TBC1D5: variants seen among roughly 807,000 people sequenced by gnomAD.
TBC1D5 encodes TBC1 domain family, member 5.
TBC1D5 carries 75 observed loss-of-function variants against 100.3 expected under a neutral mutation model. That is an observed-to-expected ratio of 0.75 (90% confidence interval 0.62 to 0.91). The LOEUF is 0.91. TBC1D5 is among the 40% of genes least tolerant of loss of function. TBC1D5 has a pLI of 0.00. For synonymous variants in TBC1D5, 323 were observed against 325.6 expected (o/e 0.99, Z 0.09); for missense variants, 910 against 942.4 (o/e 0.97, Z 0.45).
intron 7 of TBC1D5, 59 bp downstream of exon 7, chr3:17,404,635 C>A: frequency 1.4e-6 from 2 of 1,463,656 alleles, no homozygotes; most frequent in South Asian, 1.4e-5. Context: ...GGCAACCAGT[C>A]ATATAAACAT....
At chr3:17,696,025 G>A (rs2072008609) in intron 1 of TBC1D5, among the ~76,000 whole-genome samples, 1 of 152,152 alleles carries the variant, frequency 6.6e-6, no homozygotes, top group Non-Finnish European at 1.5e-5. Context: ...AATGAAGGCT[G>A]AAATAAAGAT....
intron 1 of TBC1D5, among the ~76,000 whole-genome samples, chr3:17,626,294 T>C (rs2063051972): frequency 6.6e-6 from 1 of 152,230 alleles, no homozygotes; most frequent in Non-Finnish European, 1.5e-5. Context: ...TTTCTCTCTC[T>C]TCCAGAATAT....
intron 14 of TBC1D5, among the ~76,000 whole-genome samples, chr3:17,297,257 A>G (rs1486426281): frequency 6.6e-6 from 1 of 152,248 alleles, no homozygotes; most frequent in African/African-American, 2.4e-5. Context: ...CGACTGAGGA[A>G]ATCAAATGAG....
intron 1 of TBC1D5, among the ~76,000 whole-genome samples, chr3:17,725,497 T>C (rs1327643919): frequency 6.6e-6 from 1 of 152,122 alleles, no homozygotes; most frequent in Non-Finnish European, 1.5e-5. Flanking sequence ...GCATGGCTCT[T>C]TGGAGTCTCA....
rs1441367730 is a variant in TBC1D5 at position 17,690,123 on chromosome 3, C to T, written c.-101+49220G>A. Among the ~76,000 whole-genome samples the T allele has an allele frequency of 3.4e-5, 5 of 147,944 alleles. No individual in the cohort carries two copies. In the East Asian group the frequency reaches 7.7e-4, roughly 23 times the overall value. ...AAGGAGTAGATTGTGATGGCCTATA[C>T]AAGAATGACAAACCAAAGAAATATG... On this transcript the variant is annotated intron_variant, in intron 1 of 21. Coordinates refer to ENST00000253692, the Ensembl canonical transcript of TBC1D5.
intron 2 of TBC1D5, among the ~76,000 whole-genome samples, chr3:17,510,103 A>G (rs1380250216): frequency 1.3e-5 from 2 of 151,936 alleles, no homozygotes; most frequent in African/African-American, 4.8e-5. Flanking sequence ...AAGAGGAAAT[A>G]AGAGAAAAAA....
In TBC1D5 at chr3:17,737,635, T is replaced by G. The variant is rs372963212; in HGVS notation, c.-101+1708A>C. Among the ~76,000 whole-genome samples, 46 of 152,276 alleles carry G rather than the reference T, an allele frequency of 3.0e-4. No individual in the cohort carries two copies. The South Asian group carries it at 8.5e-3, about 28-fold the overall frequency. ...TAGCAGAATTTTCTTTAGACATACATACACACTACTCTTCCATAAAGTATC... is the reference window on the plus strand; with the variant it reads ...TAGCAGAATTTTCTTTAGACATACAGACACACTACTCTTCCATAAAGTATC... On this transcript the variant is annotated intron_variant, in intron 1 of 21. Transcript: ENST00000253692.
rs376118502 is a variant in TBC1D5, at chr3:17,249,954, C to G, written c.1331+8552G>C. On this transcript the variant is annotated intron_variant, in intron 16 of 21. Coordinates refer to ENST00000253692, the Ensembl canonical transcript of TBC1D5. The stretch of plus-strand genomic sequence containing the variant: ...ATCTTAACAGGTATAATACTGAATA[C>G]ATATGAAATAGTGCTAGAATTACCA... 6.6e-5 allele frequency among the ~76,000 whole-genome samples: 10 copies of G among 152,282 alleles called. No individual in the cohort carries two copies. The East Asian group carries it at 1.9e-3, about 29-fold the overall frequency.
chr3:17,555,374 T>C (rs1463007316), intron 2 of TBC1D5, among the ~76,000 whole-genome samples: 10 of 152,164 alleles, frequency 6.6e-5, no homozygotes, highest in Admixed American at 6.5e-4. Context: ...AATCAATATA[T>C]GTGAGGTATA....
intron 1 of TBC1D5, among the ~76,000 whole-genome samples, chr3:17,636,324 G>C (rs1254918312): frequency 1.3e-5 from 2 of 152,126 alleles, no homozygotes; most frequent in South Asian, 2.1e-4. Context: ...ATCCCTATGA[G>C]ATACTTTTAT....
chr3:17,447,487 A>G (rs1198944783), intron 3 of TBC1D5, among the ~76,000 whole-genome samples: 1 of 152,210 alleles, frequency 6.6e-6, no homozygotes. Flanking sequence ...CGGAAGAGAC[A>G]TCACTAGGGA....
rs143186342 is a variant in TBC1D5, at chr3:17,192,200, A to G, written c.1753-6992T>C. ...TCATATTTTTGTAATAAGAAAATCA[A>G]ATAATGCAAATAACATAATAGAGAA... On this transcript the variant is annotated intron_variant, in intron 18 of 21. Coordinates refer to ENST00000253692, the Ensembl canonical transcript of TBC1D5. Among the ~76,000 whole-genome samples, 1,387 of 152,258 alleles carry G rather than the reference A, an allele frequency of 9.1e-3. 23 individuals carry two copies. The highest frequency in any genetic ancestry group is 0.031 in the African/African-American group (1,295 of 41,534).
rs560177951 is a variant in TBC1D5 at position 17,690,980 on chromosome 3, T to C, written c.-101+48363A>G. Among the ~76,000 whole-genome samples the C allele has an allele frequency of 1.7e-3, 255 of 152,346 alleles. 2 individuals carry two copies. The highest frequency in any genetic ancestry group is 5.9e-3 in the African/African-American group (246 of 41,584). On this transcript the variant is annotated intron_variant, in intron 1 of 21. Coordinates refer to ENST00000253692, the Ensembl canonical transcript of TBC1D5. ...AAAAAAAATCTGTTTAAGGGTTTAG[T>C]TAGCAAGAAAGTACAGTATACATAT...
chr3:17,317,875 G>A (rs1184829460), intron 13 of TBC1D5, among the ~76,000 whole-genome samples: 1 of 151,938 alleles, frequency 6.6e-6, no homozygotes, highest in Admixed American at 6.6e-5. Context: ...TCCCATTACT[G>A]GGTATATACC....
intron 2 of TBC1D5, among the ~76,000 whole-genome samples, chr3:17,614,290 C>G (rs889362285): frequency 6.6e-6 from 1 of 152,138 alleles, no homozygotes; most frequent in African/African-American, 2.4e-5. Flanking sequence ...GTTACTGTAG[C>G]CTTGTAGTAT....
chr3:17,429,566 G>A (rs1412299816), intron 3 of TBC1D5, among the ~76,000 whole-genome samples: 2 of 151,760 alleles, frequency 1.3e-5, no homozygotes, highest in Admixed American at 6.6e-5. Flanking sequence ...TTGAACAACC[G>A]AAGGTGCAAT....
chr3:17,612,872 G>C (rs1197154851), intron 2 of TBC1D5, among the ~76,000 whole-genome samples: 2 of 148,696 alleles, frequency 1.3e-5, no homozygotes, highest in South Asian at 4.2e-4. Context: ...CATAAGGGAT[G>C]AGAAAGCCCC....
intron 4 of TBC1D5, among the ~76,000 whole-genome samples, chr3:17,424,962 T>C (rs2149319754): frequency 6.6e-6 from 1 of 152,334 alleles, no homozygotes; most frequent in Non-Finnish European, 1.5e-5. Context: ...ACCTGAAATA[T>C]ATGTCAGATA....
At chr3:17,274,767 C>G (rs2596675) in intron 15 of TBC1D5, among the ~76,000 whole-genome samples, 63,642 of 151,930 alleles carry the variant, frequency 0.42, 14,046 homozygotes, top group Middle Eastern at 0.51. Flanking sequence ...AAAAAAGAGA[C>G]AATTGATGAA....
Sources: allele counts gnomAD v4.1 joint callset (sites outside exome capture counted in the v4.1 genomes callset), GRCh38; gene constraint gnomAD v4.1.1; transcripts MANE v1.5; gene names NCBI Gene and HGNC (gene_info 2026-07-23, HGNC 2026-07-21).